Variants in DGKG observed in about 807,000 individuals in gnomAD.
DGKG encodes diacylglycerol kinase gamma.
In DGKG, 78 loss-of-function variants were observed where a neutral mutation model predicts 105.3. The observed-to-expected ratio is 0.74, with a 90% CI of 0.62 to 0.89. The LOEUF is 0.89. Among genes scored for constraint, DGKG ranks in the 40% least tolerant of loss-of-function variants. The pLI, the probability that DGKG is intolerant of heterozygous loss-of-function variation, is 0.00. For missense variants in DGKG, 958 were observed against 1,020.1 expected (o/e 0.94, Z 0.83); for synonymous variants, 346 against 367.1 (o/e 0.94, Z 0.66).
At chr3:186,164,775 A>G in intron 23 of DGKG, 123 bp downstream of exon 23, 1 of 1,202,120 alleles carries the variant, frequency 8.3e-7, no homozygotes, top group Non-Finnish European at 1.1e-6. Context: ...CTTTACAAAC[A>G]TTATCAAGCT....
intron 21 of DGKG, among the ~76,000 whole-genome samples, chr3:186,190,058 C>G (rs918627103): frequency 1.3e-5 from 2 of 152,210 alleles, no homozygotes. Context: ...AAGTTAGTTA[C>G]TATGACTATC....
At chr3:186,324,834 C>T (rs1039195748) in intron 1 of DGKG, among the ~76,000 whole-genome samples, 9 of 152,250 alleles carry the variant, frequency 5.9e-5, no homozygotes, top group African/African-American at 2.2e-4. Context: ...AATCCCATTA[C>T]TGGGTATACA....
chr3:186,319,461 T>A (rs1275310002), intron 2 of DGKG, among the ~76,000 whole-genome samples: 1 of 152,174 alleles, frequency 6.6e-6, no homozygotes, highest in Non-Finnish European at 1.5e-5. Flanking sequence ...GGGGGACCTG[T>A]GCAAGAGCAA....
rs528953332 is a variant in DGKG at position 186,312,073 on chromosome 3, G to A, written c.68-5096C>T. 1.7e-4 allele frequency among the ~76,000 whole-genome samples: 17 copies of A among 101,764 alleles called. No individual in the cohort carries two copies. In the South Asian group the frequency reaches 3.5e-3, roughly 21 times the overall value. The allele number at this position is 101,764 out of a possible 152,430, so 66.8% of individuals were successfully genotyped here. A position where few individuals can be genotyped will look rare whatever the true frequency, so the allele number is the denominator to read the frequency against. On this transcript the variant is annotated intron_variant, in intron 2 of 24. Transcript: ENST00000265022. ...GGAGCTTGCAGTGAGCCGAGATTGC[G>A]CCACTGCAGTCCGCAGTCCGGCCTG...
chr3:186,153,951 A>T (rs2108469332), intron 24 of DGKG, among the ~76,000 whole-genome samples: 1 of 152,272 alleles, frequency 6.6e-6, no homozygotes, highest in East Asian at 1.9e-4. Context: ...CAAAAAATAC[A>T]AAAATTAGCT....
intron 24 of DGKG, chr3:186,158,845 T>C: frequency 1.1e-6 from 1 of 940,490 alleles, no homozygotes; most frequent in Non-Finnish European, 1.3e-6. Flanking sequence ...TAATTGAATG[T>C]ACTTTTTATC....
Position 186,231,274 on chromosome 3 carries a change from G to C in DGKG, c.1826+11230C>G, listed in dbSNP as rs960969960. ...CTAGTCTTTTTTTGGGTGCATCTTT[G>C]GTCATGGGGCACAAAACTGGGCACA... On this transcript the variant is annotated intron_variant, in intron 20 of 24. Transcript: ENST00000265022. The surrounding 1 kb of genome is among the most constrained non-coding windows in gnomAD (Gnocchi z 4.5). Among the ~76,000 whole-genome samples, 7 of 152,048 alleles carry C rather than the reference G, an allele frequency of 4.6e-5. No homozygotes were observed. The highest frequency in any genetic ancestry group is 1.7e-4 in the African/African-American group (7 of 41,392).
chr3:186,299,851 TTG>T (rs1228311349), intron 3 of DGKG, among the ~76,000 whole-genome samples: 9 of 118,752 alleles, frequency 7.6e-5, no homozygotes, highest in African/African-American at 2.8e-4. Flanking sequence ...TTTTTTTTTT[TTG>T]AGATAGAGCC....
intron 6 of DGKG, among the ~76,000 whole-genome samples, chr3:186,285,675 C>A (rs918969903): frequency 4.1e-5 from 5 of 122,592 alleles, no homozygotes; most frequent in Admixed American, 9.4e-5. Context: ...TTCTTTCTTT[C>A]TTTCTTTTTT....
intron 11 of DGKG, among the ~76,000 whole-genome samples, 198 bp from the exon 12 acceptor site, chr3:186,269,115 A>G (rs73885822): frequency 0.013 from 1,952 of 152,376 alleles, 42 homozygotes; most frequent in African/African-American, 0.042. Flanking sequence ...CCATTATGCG[A>G]ATCAAAGTAG....
intron 19 of DGKG, among the ~76,000 whole-genome samples, chr3:186,247,178 T>A (rs1329281752): frequency 6.6e-6 from 1 of 152,206 alleles, no homozygotes; most frequent in Non-Finnish European, 1.5e-5. Flanking sequence ...TCTTAGCTTC[T>A]CACTGGTGAG....
At chr3:186,295,749 T>A (rs1278016527) in intron 5 of DGKG, among the ~76,000 whole-genome samples, 2 of 149,966 alleles carry the variant, frequency 1.3e-5, no homozygotes, top group African/African-American at 4.9e-5. Flanking sequence ...GGGAAGAGGA[T>A]GCCCAGGTGA....
chr3:186,312,801 C>G (rs1482523013), intron 2 of DGKG, among the ~76,000 whole-genome samples: 1 of 152,352 alleles, frequency 6.6e-6, no homozygotes. Context: ...GCCAAGAGCA[C>G]TGCATCAAAA....
intron 20 of DGKG, among the ~76,000 whole-genome samples, chr3:186,239,814 T>C (rs1720589298): frequency 6.6e-6 from 1 of 151,956 alleles, no homozygotes; most frequent in South Asian, 2.1e-4. Context: ...GTATTGTTTA[T>C]AGGATCTCGG....
chr3:186,253,058 G>C, intron 18 of DGKG, 35 bp downstream of exon 18: 1 of 1,590,174 alleles, frequency 6.3e-7, no homozygotes, highest in Non-Finnish European at 8.6e-7. Flanking sequence ...AGGAACACCT[G>C]TTCCCAGGGT....
At chr3:186,221,070 T>C (rs897950226) in intron 20 of DGKG, among the ~76,000 whole-genome samples, 1 of 152,186 alleles carries the variant, frequency 6.6e-6, no homozygotes, top group African/African-American at 2.4e-5. Flanking sequence ...TCCCTGAGAC[T>C]CATGATCCAC....
At chr3:186,352,752 CA>C (rs1726694168) in intron 1 of DGKG, among the ~76,000 whole-genome samples, 1 of 152,150 alleles carries the variant, frequency 6.6e-6, no homozygotes, top group African/African-American at 2.4e-5. Context: ...GTTTAGCCCT[CA>C]TCTCCCTGGA....
chr3:186,229,671 T>G (rs73054273), intron 20 of DGKG, among the ~76,000 whole-genome samples: 4,634 of 152,338 alleles, frequency 0.03, 244 homozygotes, highest in African/African-American at 0.11. Context: ...TGTGCTCATC[T>G]TCCCAGTTAT....
In DGKG at chr3:186,149,999, T is replaced by C. The variant is rs1715680407; in HGVS notation, c.*91A>G. On this transcript the variant is annotated 3_prime_UTR_variant, in exon 25 of 25. Transcript: ENST00000265022. ...AAGAGTGTGTATGTGTGTGTGTGTG[T>C]GCATGTGTGAGTGTGCACATAAATT... is the stretch of plus-strand genomic sequence containing the variant. The C allele has an allele frequency of 2.7e-6, 4 of 1,506,678 alleles. No homozygotes were observed. The highest frequency in any genetic ancestry group is 1.3e-5 in the South Asian group (1 of 77,306). The allele number at this position is 1,506,678 out of a possible 1,614,324, so 93.3% of individuals were successfully genotyped here.
Sources: allele counts gnomAD v4.1 joint callset (sites outside exome capture counted in the v4.1 genomes callset), GRCh38; gene constraint gnomAD v4.1.1; non-coding constraint Gnocchi (gnomAD v3.1); transcripts MANE v1.5; gene names NCBI Gene and HGNC (gene_info 2026-07-23, HGNC 2026-07-21).